The following MGST1 variants were observed in gnomAD, a reference collection of about 807,000 sequenced individuals.
MGST1 encodes the protein microsomal glutathione S-transferase 1.
A neutral mutation model predicts 8.9 loss-of-function variants in MGST1; 5 were observed. The ratio of observed to expected loss-of-function variants is 0.56; its 90% CI spans 0.29 to 1.19. The LOEUF (loss-of-function observed/expected upper bound fraction) is 1.19, where lower values mean the gene tolerates loss of function less well. Among genes scored for constraint, MGST1 ranks in the 50% most tolerant of loss-of-function variants. The probability of loss-of-function intolerance (pLI) is 0.08; values close to 1 mark genes in which losing one functional copy is unlikely to be tolerated. For synonymous variants in MGST1, 54 were observed against 67.8 expected, an observed-to-expected ratio of 0.80 and a Z score of 1.00; for missense variants, 182 against 187.4, an observed-to-expected ratio of 0.97 and a Z score of 0.17.
At chr12:16,572,238 C>T (rs193300967) in intron 4 of MGST1, among the ~76,000 whole-genome samples, 41 of 151,142 alleles carry the variant, frequency 2.7e-4, no homozygotes, top group African/African-American at 9.5e-4. Context: ...TAAAGCTCTA[C>T]AGAAGGAATT....
At position 16,534,978 on chromosome 12, in the gene MGST1, G is replaced by A. The variant is rs118053021; in HGVS notation, n.483-54550G>A. Among the ~76,000 whole-genome samples the A allele has an allele frequency of 3.0e-3, 462 of 152,178 alleles. 1 individual carries two copies. The highest frequency in any genetic ancestry group is 5.4e-3 in the Non-Finnish European group (368 of 67,998). ...TGCTCTTCACCCCATTTACCTTCAC[G>A]TATTTTTGTTGTCCTTACTTTGAAA... On this transcript the variant is annotated intron_variant and non_coding_transcript_variant, in intron 4 of 4. Transcript: ENST00000538857.
At chr12:16,569,406 C>T (rs376813277) in intron 4 of MGST1, among the ~76,000 whole-genome samples, 1 of 152,132 alleles carries the variant, frequency 6.6e-6, no homozygotes, top group Non-Finnish European at 1.5e-5. Context: ...CATCATGTCT[C>T]TTTCTACACC....
chr12:16,404,617 T>C (rs552674452), intron 1 of MGST1, among the ~76,000 whole-genome samples: 1 of 152,242 alleles, frequency 6.6e-6, no homozygotes, highest in African/African-American at 2.4e-5. Flanking sequence ...ATTTAGCCAA[T>C]ATTTTTAACC....
rs371290090 is a variant in MGST1 at position 16,564,369 on chromosome 12, T to G, written n.483-25159T>G. On this transcript the variant is annotated intron_variant and non_coding_transcript_variant, in intron 4 of 4. Transcript: ENST00000538857. ...GTGCCAGAACATTTTGCATTTTTAC[T>G]AAATGTTCAACAGCTTCGGCAACAT... Among the ~76,000 whole-genome samples the G allele has an allele frequency of 2.8e-4, 42 of 152,334 alleles. No homozygotes were observed. In the East Asian group the frequency reaches 7.3e-3, roughly 27 times the overall value.
At position 16,418,608 on chromosome 12, in the gene MGST1, T is replaced by C. The variant is rs114198100; in HGVS notation, n.779-18780T>C. On this transcript the variant is annotated intron_variant and non_coding_transcript_variant, in intron 1 of 1. Transcript: ENST00000359720. ...TCTTAGTTTTCCGAGAGACTATACA[T>C]TCACTGAGAAATAAGAAGATAAAAT... 6.5e-3 allele frequency among the ~76,000 whole-genome samples: 988 copies of C among 152,234 alleles called. 14 individuals carry two copies. Among genetic ancestry groups the C allele is most frequent in the African/African-American group, 0.022 (924 of 41,542 alleles).
At position 16,547,336 on chromosome 12, in the gene MGST1, C is replaced by T. The variant is rs917153679; in HGVS notation, n.483-42192C>T. On this transcript the variant is annotated intron_variant and non_coding_transcript_variant, in intron 4 of 4. Transcript: ENST00000538857. This position sits in a 1 kb window ranked among gnomAD's most constrained non-coding sequence, Gnocchi z 4.6. Reference sequence around the variant, plus strand: ...TAATCATAGCAATCTGAGGGTGACTCATTAATTAATTGATGTTCTTTTTTA... The same window carrying T: ...TAATCATAGCAATCTGAGGGTGACTTATTAATTAATTGATGTTCTTTTTTA... Among the ~76,000 whole-genome samples the T allele has an allele frequency of 1.7e-4, 26 of 152,102 alleles. No homozygotes were observed. Among genetic ancestry groups the T allele is most frequent in the Non-Finnish European group, 3.4e-4 (23 of 68,008 alleles).
chr12:16,467,945 T>C (rs1255746179), intron 4 of MGST1, among the ~76,000 whole-genome samples: 1 of 152,212 alleles, frequency 6.6e-6, no homozygotes, highest in Non-Finnish European at 1.5e-5. Flanking sequence ...GAGAATGGTC[T>C]TTTAAAAGAG....
chr12:16,351,457 C>G (rs1042000022), intron 1 of MGST1, among the ~76,000 whole-genome samples: 1 of 152,010 alleles, frequency 6.6e-6, no homozygotes, highest in Non-Finnish European at 1.5e-5. Context: ...TTTTAAAAAC[C>G]TTGCGCATGT....
At chr12:16,498,028 A>G (rs1941481094) in intron 4 of MGST1, among the ~76,000 whole-genome samples, 1 of 152,202 alleles carries the variant, frequency 6.6e-6, no homozygotes, top group Non-Finnish European at 1.5e-5. Flanking sequence ...TCACATAAGT[A>G]AAAGTTAGAA....
rs1454065241 is a variant in MGST1 at position 16,362,512 on chromosome 12, G to A, written c.222-1283G>A. 6.6e-6 allele frequency: 1 copy of A among 152,154 alleles called. No individual in the cohort carries two copies. Among genetic ancestry groups the A allele is most frequent in the Non-Finnish European group, 1.5e-5 (1 of 68,024 alleles). 9.4% of individuals were successfully genotyped at this position (152,154 alleles called of 1,614,324 possible). The stretch of plus-strand genomic sequence containing the variant: ...TATATGCTTATTGCTATAGAAGAGA[G>A]TAACGTAAAGCAGAAATAGTTTTCA... On this transcript the variant is annotated intron_variant, in intron 3 of 3. Transcript: ENST00000396210. The surrounding 1 kb of genome is among the most constrained non-coding windows in gnomAD (Gnocchi z 4.4).
At chr12:16,436,999 CATTAAA>C (rs1940992606) in intron 1 of MGST1, among the ~76,000 whole-genome samples, 1 of 151,888 alleles carries the variant, frequency 6.6e-6, no homozygotes, top group Non-Finnish European at 1.5e-5. Flanking sequence ...GTAATAAAGA[CATTAAA>C]ATTAAAACTG....
At chr12:16,350,688 A>G (rs886600802) in intron 1 of MGST1, 4 of 152,208 alleles carry the variant, frequency 2.6e-5, no homozygotes, top group Non-Finnish European at 5.9e-5. Context: ...AATCCATGCT[A>G]TAAACAACTA....
At chr12:16,484,284 A>T (rs965945737) in intron 4 of MGST1, among the ~76,000 whole-genome samples, 5 of 152,162 alleles carry the variant, frequency 3.3e-5, no homozygotes, top group African/African-American at 1.2e-4. Context: ...TATAGCTAGG[A>T]TTTGCTAACA....
intron 1 of MGST1, among the ~76,000 whole-genome samples, chr12:16,428,720 T>C (rs1395610961): frequency 6.6e-6 from 1 of 152,076 alleles, no homozygotes; most frequent in African/African-American, 2.4e-5. Flanking sequence ...AAAATGTTTT[T>C]CGGATTTTAT....
At chr12:16,523,973 A>G (rs1941665492) in intron 4 of MGST1, among the ~76,000 whole-genome samples, 1 of 152,104 alleles carries the variant, frequency 6.6e-6, no homozygotes. Context: ...CACACATTAT[A>G]TGTCTTGTCC....
Position 16,513,609 on chromosome 12 carries a change from G to T in MGST1, n.483-75919G>T. The T allele has an allele frequency of 2.0e-6, 1 of 494,488 alleles. No homozygotes were observed. Among genetic ancestry groups the T allele is most frequent in the Non-Finnish European group, 4.1e-6 (1 of 242,714 alleles). 30.6% of individuals were successfully genotyped at this position (494,488 alleles called of 1,614,324 possible). ...GTGCCTACAGGGACCACAACGGAAA[G>T]CCTTACAGCATCCACAAGGCAGAGG... On this transcript the variant is annotated intron_variant and non_coding_transcript_variant, in intron 4 of 4. Transcript: ENST00000538857. This position sits in a 1 kb window ranked among gnomAD's most constrained non-coding sequence, Gnocchi z 4.2.
chr12:16,507,091 T>A (rs1045874830), intron 4 of MGST1, among the ~76,000 whole-genome samples: 23 of 152,246 alleles, frequency 1.5e-4, no homozygotes, highest in African/African-American at 5.3e-4. Context: ...CTACACAGCC[T>A]GGGAGAGTAG....
At chr12:16,484,529 G>C (rs752866368) in intron 4 of MGST1, among the ~76,000 whole-genome samples, 4 of 152,152 alleles carry the variant, frequency 2.6e-5, no homozygotes, top group Non-Finnish European at 4.4e-5. Flanking sequence ...CTGGCTCACA[G>C]TTCCACAGGC....
intron 1 of MGST1, among the ~76,000 whole-genome samples, chr12:16,396,516 T>G (rs1038483456): frequency 1.3e-5 from 2 of 152,192 alleles, no homozygotes; most frequent in African/African-American, 2.4e-5. Context: ...GCTGATGATA[T>G]GATTGTATAC....
Sources: allele counts gnomAD v4.1 joint callset (sites outside exome capture counted in the v4.1 genomes callset), GRCh38; gene constraint gnomAD v4.1.1; non-coding constraint Gnocchi (gnomAD v3.1); transcripts MANE v1.5; gene names NCBI Gene and HGNC (gene_info 2026-07-23, HGNC 2026-07-21).